The following DLL3 variants were observed in gnomAD, a reference collection of about 807,000 sequenced individuals.
DLL3 encodes the protein delta like canonical Notch ligand 3, also known as delta-like protein 3.
A neutral mutation model predicts 55.0 loss-of-function variants in DLL3; 49 were observed. The ratio of observed to expected loss-of-function variants is 0.89; its 90% confidence interval spans 0.71 to 1.13. The LOEUF is 1.13. Among genes scored for constraint, DLL3 ranks in the 50% most tolerant of loss-of-function variants. The pLI, the probability that DLL3 is intolerant of heterozygous loss-of-function variation, is 0.00. For missense variants in DLL3, 962 were observed against 875.5 expected (o/e 1.10, Z -1.25); for synonymous variants, 421 against 385.2 (o/e 1.09, Z -1.09).
intron 3 of DLL3, among the ~76,000 whole-genome samples, chr19:39,501,905 G>T (rs747945997): frequency 5.3e-5 from 8 of 152,144 alleles, no homozygotes; most frequent in Non-Finnish European, 1.2e-4. Context: ...CTGGGTCAAG[G>T]CCCGGCGCGG....
In DLL3 at chr19:39,499,869, T is replaced by TTC. The variant is rs1491471847; in HGVS notation, c.351+396_351+397insTC. ...TCTTCTCTCTCTTTTTTTTTTTTTT[T>TTC]CTGTCCTCAGTTCTTTCAGTTGGGT... On this transcript the variant is annotated intron_variant, in intron 2 of 8. Coordinates refer to ENST00000356433, the MANE Select transcript of DLL3 (RefSeq NM_203486.3). 3.9e-3 allele frequency among the ~76,000 whole-genome samples: 586 copies of TTC among 149,534 alleles called. 4 individuals carry two copies. Among genetic ancestry groups the TTC allele is most frequent in the African/African-American group, 0.014 (573 of 39,848 alleles).
Position 39,502,909 on chromosome 19 carries a change from G to C in DLL3, c.504G>C (p.Trp168Cys). 1 of 1,445,276 alleles carries C rather than the reference G, an allele frequency of 6.9e-7. No individual in the cohort carries two copies. Among genetic ancestry groups the C allele is most frequent in the South Asian group, 1.4e-5 (1 of 73,896 alleles). The allele number at this position is 1,445,276 out of a possible 1,614,324, so 89.5% of individuals were successfully genotyped here. The change falls in exon 4 of 9, where the codon TGG becomes TGC. Residue 168 changes from tryptophan to cysteine, a missense_variant. By Grantham distance (215) the Trp-to-Cys change is radical. Coordinates refer to ENST00000356433, the MANE Select transcript of DLL3 (RefSeq NM_203486.3). ...WARDIQRAGAWELRFSYRARC... is the reference protein window; with the variant it reads ...WARDIQRAGACELRFSYRARC... ...GGGACATTCAGCGCGCAGGCGCCTG[G>C]GAGCTGCGCTTCTCGTACCGCGCGC... is the stretch of plus-strand genomic sequence containing the variant.
rs1475916514 is a variant in DLL3 at position 39,502,911 on chromosome 19, A to G, written c.506A>G (p.Glu169Gly). 1 of 1,447,580 alleles carries G rather than the reference A, an allele frequency of 6.9e-7. No individual in the cohort carries two copies. Among genetic ancestry groups the G allele is most frequent in the Non-Finnish European group, 9.0e-7 (1 of 1,105,640 alleles). 89.7% of individuals were successfully genotyped at this position (1,447,580 alleles called of 1,614,324 possible). ...GACATTCAGCGCGCAGGCGCCTGGG[A>G]GCTGCGCTTCTCGTACCGCGCGCGC... Reference protein sequence around the residue: ...ARDIQRAGAWELRFSYRARCE... With the variant: ...ARDIQRAGAWGLRFSYRARCE... Residue 169 changes from glutamate to glycine, a missense_variant, in exon 4 of 9, where the codon GAG (glutamate) becomes GGG (glycine). Coordinates refer to ENST00000356433, the MANE Select transcript of DLL3 (RefSeq NM_203486.3).
rs769650774 is a variant in DLL3, at chr19:39,500,673, G to A, written c.409+1G>A. Reference sequence around the variant, plus strand: ...GAGGAGTTAGGAGACCAGATTGGAGGTGAGTGTCTTCAGTCTTGGGACTGG... The same window carrying A: ...GAGGAGTTAGGAGACCAGATTGGAGATGAGTGTCTTCAGTCTTGGGACTGG... On this transcript the variant is annotated splice_donor_variant, in intron 3 of 8. Coordinates refer to ENST00000356433, the MANE Select transcript of DLL3 (RefSeq NM_203486.3). LOFTEE classifies it high-confidence loss of function. 6.2e-7 allele frequency: 1 copy of A among 1,613,414 alleles called. No individual in the cohort carries two copies. The highest frequency in any genetic ancestry group is 1.1e-5 in the South Asian group (1 of 91,060).
chr19:39,507,204 G>A lies in DLL3; in HGVS notation c.1259G>A (p.Gly420Asp), dbSNP rs2144764212. ...GCGCACCGCTGCTCCTGCGCGCTGG[G>A]CTTCGGCGGCCGCGACTGCCGCGAG... The part of the protein sequence containing the change: ...GGAHRCSCAL[G>D]FGGRDCRERA... Residue 420 changes from glycine to aspartate, a missense_variant, in exon 7 of 9, where the codon GGC (glycine) becomes GAC (aspartate). Coordinates refer to ENST00000356433, the MANE Select transcript of DLL3 (RefSeq NM_203486.3). The A allele has an allele frequency of 4.6e-6, 6 of 1,318,390 alleles. 1 individual carries two copies. In the East Asian group the frequency reaches 1.6e-4, roughly 35 times the overall value. The allele number at this position is 1,318,390 out of a possible 1,614,324, so 81.7% of individuals were successfully genotyped here. A position where few individuals can be genotyped will look rare whatever the true frequency, so the allele number is the denominator to read the frequency against.
Position 39,504,060 on chromosome 19 carries a change from G to A in DLL3, c.653-11G>A. ...GTGTTCCCTTTCTCTCTGCCTCTCT[G>A]TCCCCCATAGTGGTGTGCCGAGCAG... On this transcript the variant is annotated splice_polypyrimidine_tract_variant and intron_variant, in intron 4 of 8. Coordinates refer to ENST00000356433, the MANE Select transcript of DLL3 (RefSeq NM_203486.3). The A allele has an allele frequency of 6.2e-7, 1 of 1,612,988 alleles. No homozygotes were observed. Among genetic ancestry groups the A allele is most frequent in the African/African-American group, 1.3e-5 (1 of 75,014 alleles).
intron 3 of DLL3, among the ~76,000 whole-genome samples, chr19:39,501,839 G>A (rs1281563693): frequency 6.6e-6 from 1 of 152,084 alleles, no homozygotes. Context: ...GCCATATGGA[G>A]GTACCAAATG....
Position 39,502,820 on chromosome 19 carries a change from G to A in DLL3, c.415G>A (p.Ala139Thr), listed in dbSNP as rs781246209. ...EELGDQIGGPAWSLLARVAGR... is the reference protein window; with the variant it reads ...EELGDQIGGPTWSLLARVAGR... ...TCCTTTGCCTGTCCTCGCAGGGCCC[G>A]CCTGGAGCCTGCTGGCGCGCGTGGC... is the stretch of plus-strand genomic sequence containing the variant. The change falls in exon 4 of 9, where the codon GCC becomes ACC. Residue 139 changes from alanine to threonine, a missense_variant. Physicochemically the swap from Ala to Thr is moderately conservative, Grantham distance 58 (BLOSUM62 0). Transcript: ENST00000356433. The A allele has an allele frequency of 7.0e-6, 10 of 1,419,408 alleles. No homozygotes were observed. In the South Asian group the frequency reaches 7.6e-5, roughly 11 times the overall value. The allele number at this position is 1,419,408 out of a possible 1,614,324, so 87.9% of individuals were successfully genotyped here.
chr19:39,507,782 C>T (rs780299632), intron 7 of DLL3, 48 bp from the exon 8 acceptor site: 6 of 1,613,102 alleles, frequency 3.7e-6, no homozygotes, highest in East Asian at 2.2e-5. Flanking sequence ...AAAACAAGAT[C>T]TGAGAATTTA....
At chr19:39,500,395 C>T (rs1341360185) in intron 2 of DLL3, among the ~76,000 whole-genome samples, 3 of 150,094 alleles carry the variant, frequency 2.0e-5, no homozygotes, top group Non-Finnish European at 4.4e-5. Context: ...CAGTGCACTC[C>T]AGCCTGGTTG....
chr19:39,507,055 C>T lies in DLL3; in HGVS notation c.1110C>T (p.Asp370=). The T allele has an allele frequency of 6.5e-7, 1 of 1,538,732 alleles. No individual in the cohort carries two copies. Among genetic ancestry groups the T allele is most frequent in the East Asian group, 2.4e-5 (1 of 41,242 alleles). Residue 370 remains aspartate (D), a synonymous_variant, in exon 7 of 9, where the codon GAC becomes GAT. Coordinates refer to ENST00000356433, the MANE Select transcript of DLL3 (RefSeq NM_203486.3). The part of the protein sequence containing the change: ...QPCRNGGLCL[D]LGHALRCRCR... ...TCCCCACAGGCGGACTCTGCCTGGACCTGGGCCACGCCCTGCGCTGCCGCT... is the reference window on the plus strand; with the variant it reads ...TCCCCACAGGCGGACTCTGCCTGGATCTGGGCCACGCCCTGCGCTGCCGCT...
At chr19:39,507,975 C>CT in intron 8 of DLL3, 61 bp downstream of exon 8, 1 of 1,614,016 alleles carries the variant, frequency 6.2e-7, no homozygotes. Flanking sequence ...GCAGCACCTG[C>CT]TTTTTCCCTA....
Position 39,507,329 on chromosome 19 carries a change from G to C in DLL3, c.1384G>C (p.Ala462Pro). ...VCACAPGYMGARCEFPVHPDG... is the reference protein window; with the variant it reads ...VCACAPGYMGPRCEFPVHPDG... ...CGCTTGCGCTCCCGGCTACATGGGA[G>C]CGCGGTGTGAGTTCCCAGTGCACCC... Residue 462 changes from alanine (A) to proline (P), a missense_variant, in exon 7 of 9, where the codon GCG (alanine) becomes CCG (proline). Transcript: ENST00000356433. 6.4e-7 allele frequency: 1 copy of C among 1,567,690 alleles called. No individual in the cohort carries two copies. Among genetic ancestry groups the C allele is most frequent in the Non-Finnish European group, 8.6e-7 (1 of 1,164,496 alleles).
Position 39,502,848 on chromosome 19 carries a change from G to C in DLL3, c.443G>C (p.Gly148Ala). The C allele has an allele frequency of 1.4e-6, 2 of 1,415,244 alleles. No individual in the cohort carries two copies. Among genetic ancestry groups the C allele is most frequent in the Non-Finnish European group, 1.8e-6 (2 of 1,090,206 alleles). The allele number at this position is 1,415,244 out of a possible 1,614,324, so 87.7% of individuals were successfully genotyped here. A position where few individuals can be genotyped will look rare whatever the true frequency, so the allele number is the denominator to read the frequency against. The change falls in exon 4 of 9, where the codon GGC becomes GCC. Residue 148 changes from glycine to alanine, a missense_variant. Coordinates refer to ENST00000356433, the MANE Select transcript of DLL3 (RefSeq NM_203486.3). ...TGGAGCCTGCTGGCGCGCGTGGCTG[G>C]CAGGCGGCGCTTGGCAGCCGGAGGC... ...PAWSLLARVA[G>A]RRRLAAGGPW...
At position 39,507,347 on chromosome 19, in the gene DLL3, G is replaced by C; in HGVS notation, c.1402G>C (p.Val468Leu). Residue 468 changes from valine to leucine, a missense_variant, in exon 7 of 9, where the codon GTG becomes CTG. Transcript: ENST00000356433. ...CATGGGAGCGCGGTGTGAGTTCCCA[G>C]TGCACCCCGACGGCGCAAGCGCCTT... The part of the protein sequence containing the change: ...GYMGARCEFP[V>L]HPDGASALPA... 6.4e-7 allele frequency: 1 copy of C among 1,571,790 alleles called. No individual in the cohort carries two copies. The highest frequency in any genetic ancestry group is 8.6e-7 in the Non-Finnish European group (1 of 1,165,832).
intron 4 of DLL3, 99 bp downstream of exon 4, chr19:39,503,156 C>A (rs978395159): frequency 7.5e-7 from 1 of 1,331,046 alleles, no homozygotes; most frequent in South Asian, 1.4e-5. Context: ...ACCCACTCAC[C>A]CTCTTCAGGG....
At chr19:39,501,937 G>A (rs985533753) in intron 3 of DLL3, among the ~76,000 whole-genome samples, 4 of 152,174 alleles carry the variant, frequency 2.6e-5, no homozygotes, top group African/African-American at 9.6e-5. Context: ...TGTAATCCCA[G>A]CACTTTGGGA....
chr19:39,505,253 A>G lies in DLL3; in HGVS notation c.895A>G (p.Thr299Ala), dbSNP rs1600756204. 1 of 1,614,094 alleles carries G rather than the reference A, an allele frequency of 6.2e-7. No individual in the cohort carries two copies. Among genetic ancestry groups the G allele is most frequent in the Non-Finnish European group, 8.5e-7 (1 of 1,180,014 alleles). Residue 299 changes from threonine (T) to alanine (A), a missense_variant, in exon 6 of 9, where the codon ACC becomes GCC. Physicochemically the swap from Thr to Ala is moderately conservative, Grantham distance 58 (BLOSUM62 0). Coordinates refer to ENST00000356433, the MANE Select transcript of DLL3 (RefSeq NM_203486.3). ...GGAGACACCCAGGTCCTTTGAATGCACCTGCCCGCGTGGGTTCTACGGGCT... is the reference window on the plus strand; with the variant it reads ...GGAGACACCCAGGTCCTTTGAATGCGCCTGCCCGCGTGGGTTCTACGGGCT... ...CSETPRSFEC[T>A]CPRGFYGLRC...
intron 5 of DLL3, among the ~76,000 whole-genome samples, chr19:39,504,728 T>G (rs1008734900): frequency 1.3e-5 from 2 of 151,506 alleles, no homozygotes; most frequent in Non-Finnish European, 2.9e-5. Flanking sequence ...GCCAGGTGAG[T>G]GGCCTGCAGG....
Sources: allele counts gnomAD v4.1 joint callset (sites outside exome capture counted in the v4.1 genomes callset), GRCh38; gene constraint gnomAD v4.1.1; transcripts MANE v1.5; gene names NCBI Gene and HGNC (gene_info 2026-07-23, HGNC 2026-07-21).